NUP133: variants seen among roughly 807,000 people sequenced by gnomAD.
The protein encoded by NUP133 is nuclear pore complex protein Nup133.
In NUP133, 66 loss-of-function variants were observed where a neutral mutation model predicts 146.2. The observed-to-expected ratio is 0.45, with a 90% CI of 0.37 to 0.55. The LOEUF (loss-of-function observed/expected upper bound fraction) is 0.55. Ranked by LOEUF, NUP133 falls within the 20% of genes least tolerant of loss-of-function variation. The pLI is 0.00. For synonymous variants in NUP133, 521 were observed against 498.8 expected, an observed-to-expected ratio of 1.04 and a Z score of -0.59; for missense variants, 1,277 against 1,374.8, an observed-to-expected ratio of 0.93 and a Z score of 1.12.
chr1:229,452,458 T>C (rs1232136812), intron 22 of NUP133, 67 bp downstream of exon 22: 39 of 1,230,504 alleles, frequency 3.2e-5, no homozygotes, highest in Non-Finnish European at 4.0e-5. Context: ...CTATACTACA[T>C]GGCCCAACAA....
intron 10 of NUP133, among the ~76,000 whole-genome samples, chr1:229,487,015 T>C (rs1661368779): frequency 6.6e-6 from 1 of 151,978 alleles, no homozygotes; most frequent in South Asian, 2.1e-4. Context: ...TCCATGCTGT[T>C]GCCTACCTGC....
intron 24 of NUP133, among the ~76,000 whole-genome samples, chr1:229,448,254 C>G (rs1353004456): frequency 1.1e-4 from 17 of 152,188 alleles, no homozygotes; most frequent in Middle Eastern, 6.8e-3. Context: ...CATGGTGAAA[C>G]CCTATCTCTA....
intron 19 of NUP133, among the ~76,000 whole-genome samples, chr1:229,462,135 C>T (rs949188369): frequency 1.3e-5 from 2 of 152,184 alleles, no homozygotes; most frequent in African/African-American, 2.4e-5. Flanking sequence ...CTGCCCACCT[C>T]GGCCTCCCAA....
At chr1:229,480,613 C>A (rs574156570) in intron 12 of NUP133, among the ~76,000 whole-genome samples, 2 of 152,226 alleles carry the variant, frequency 1.3e-5, no homozygotes, top group African/African-American at 4.8e-5. Flanking sequence ...AATTGTGACC[C>A]CAGGGGCCAT....
intron 11 of NUP133, among the ~76,000 whole-genome samples, chr1:229,484,504 T>G (rs951110747): frequency 6.6e-6 from 1 of 152,234 alleles, no homozygotes; most frequent in Non-Finnish European, 1.5e-5. Context: ...ATTCATATAC[T>G]TATTGAAACA....
At chr1:229,466,554 A>G in intron 16 of NUP133, 80 bp downstream of exon 16, 1 of 1,489,036 alleles carries the variant, frequency 6.7e-7, no homozygotes, top group Admixed American at 1.7e-5. Context: ...GGCAATACAG[A>G]GTAGGAACAT....
intron 15 of NUP133, among the ~76,000 whole-genome samples, chr1:229,470,012 A>G (rs1445261336): frequency 6.6e-6 from 1 of 152,186 alleles, no homozygotes; most frequent in Non-Finnish European, 1.5e-5. Context: ...GCAACAGAGC[A>G]AGACTTAGTG....
In NUP133 at chr1:229,486,424, C is replaced by A. The variant is rs757897194; in HGVS notation, c.1447G>T (p.Ala483Ser). 1 of 1,609,668 alleles carries A rather than the reference C, an allele frequency of 6.2e-7. No individual in the cohort carries two copies. The highest frequency in any genetic ancestry group is 1.3e-5 in the African/African-American group (1 of 74,204). Residue 483 changes from alanine (A) to serine (S), a missense_variant, in exon 11 of 26, where the codon GCA becomes TCA. Transcript: ENST00000261396. ...ITSRENVSIL[A>S]EDLEGSLASS... Reference sequence around the variant, plus strand: ...GCTAAAGACCCTTCCAAGTCTTCTGCCAATATAGACACATTTTCCCTTGAA... The same window carrying A: ...GCTAAAGACCCTTCCAAGTCTTCTGACAATATAGACACATTTTCCCTTGAA...
At chr1:229,494,050 G>A (rs1661591165) in intron 8 of NUP133, among the ~76,000 whole-genome samples, 1 of 152,086 alleles carries the variant, frequency 6.6e-6, no homozygotes, top group South Asian at 2.1e-4. Flanking sequence ...AGAATCGCTT[G>A]AACCGGGAGG....
chr1:229,487,228 G>A (rs1052650473), intron 10 of NUP133, among the ~76,000 whole-genome samples: 2 of 152,030 alleles, frequency 1.3e-5, no homozygotes, highest in Admixed American at 1.3e-4. Flanking sequence ...TTGCTTCTTG[G>A]CATCTTCTCC....
intron 8 of NUP133, among the ~76,000 whole-genome samples, chr1:229,490,432 T>C (rs1187817702): frequency 6.6e-6 from 1 of 151,474 alleles, no homozygotes; most frequent in African/African-American, 2.4e-5. Context: ...CTGAATGAAT[T>C]TGAAGTGTAT....
intron 15 of NUP133, among the ~76,000 whole-genome samples, chr1:229,469,708 T>A (rs759980637): frequency 1.3e-5 from 2 of 152,218 alleles, no homozygotes; most frequent in Non-Finnish European, 2.9e-5. Flanking sequence ...GCTGGCAGAA[T>A]AACTACTCCA....
chr1:229,505,270 T>C (rs1661904664), intron 2 of NUP133, among the ~76,000 whole-genome samples: 1 of 152,136 alleles, frequency 6.6e-6, no homozygotes, highest in Non-Finnish European at 1.5e-5. Context: ...ACAAGAGTAG[T>C]GCTGCTGGTA....
At chr1:229,501,054 A>G (rs1421777742) in intron 3 of NUP133, among the ~76,000 whole-genome samples, 191 bp from the exon 4 acceptor site, 1 of 152,232 alleles carries the variant, frequency 6.6e-6, no homozygotes, top group Non-Finnish European at 1.5e-5. Flanking sequence ...TCTTAAGAGT[A>G]TTGAATCATG....
chr1:229,472,526 T>C (rs910636921), intron 14 of NUP133, among the ~76,000 whole-genome samples: 3 of 147,598 alleles, frequency 2.0e-5, no homozygotes, highest in African/African-American at 7.5e-5. Flanking sequence ...GTACAAAAAA[T>C]ACAAAAAGTA....
chr1:229,491,096 CT>C (rs1661502793), intron 8 of NUP133, among the ~76,000 whole-genome samples: 1 of 152,064 alleles, frequency 6.6e-6, no homozygotes, highest in Non-Finnish European at 1.5e-5. Flanking sequence ...AAGTACAGCC[CT>C]CCAGTGAAAC....
At chr1:229,481,396 A>G (rs751703348) in intron 12 of NUP133, among the ~76,000 whole-genome samples, 12 of 152,160 alleles carry the variant, frequency 7.9e-5, no homozygotes, top group East Asian at 1.9e-4. Flanking sequence ...TCTAAATCCA[A>G]TGACTGATGT....
intron 15 of NUP133, among the ~76,000 whole-genome samples, chr1:229,467,614 A>G (rs1660853233): frequency 6.6e-6 from 1 of 152,180 alleles, no homozygotes; most frequent in Non-Finnish European, 1.5e-5. Context: ...AATATTTTAC[A>G]TTGTTAACAT....
chr1:229,470,846 G>T (rs1424805684), intron 14 of NUP133, 42 bp from the exon 15 acceptor site: 1 of 1,569,532 alleles, frequency 6.4e-7, no homozygotes, highest in African/African-American at 1.4e-5. Context: ...AGCAATTATG[G>T]TAACATGCAA....
Sources: gnomAD v4.1 joint callset for allele counts (sites outside exome capture counted in the v4.1 genomes callset) on GRCh38, gnomAD v4.1.1 for gene constraint, MANE v1.5 for transcripts, NCBI Gene and HGNC (gene_info 2026-07-23, HGNC 2026-07-21) for gene names.